The following RBFOX1 variants were observed in gnomAD, a reference collection of about 807,000 sequenced individuals.
RBFOX1 encodes the protein RNA binding fox-1 homolog 1.
RBFOX1 carries 8 observed loss-of-function variants against 57.7 expected under a neutral mutation model. The observed-to-expected ratio is 0.14, with a 90% CI of 0.08 to 0.25. RBFOX1 has a LOEUF of 0.25. Among genes scored for constraint, RBFOX1 ranks in the 10% least tolerant of loss-of-function variants. RBFOX1 has a pLI of 1.00. For missense variants in RBFOX1, 611 were observed against 548.5 expected (o/e 1.11, Z -1.14); for synonymous variants, 326 against 222.4 (o/e 1.47, Z -4.15).
chr16:7,128,222 G>C (rs1246457853), intron 4 of RBFOX1, among the ~76,000 whole-genome samples: 1 of 152,110 alleles, frequency 6.6e-6, no homozygotes, highest in East Asian at 1.9e-4. Context: ...TGTATTAAGT[G>C]CCAGACACTA....
intron 3 of RBFOX1, among the ~76,000 whole-genome samples, chr16:5,852,891 T>A (rs1365448667): frequency 6.6e-6 from 1 of 152,080 alleles, no homozygotes; most frequent in African/African-American, 2.4e-5. Flanking sequence ...GCCAGCAGAC[T>A]CTTACCCATC....
At chr16:7,616,244 T>C (rs1345631753) in intron 10 of RBFOX1, among the ~76,000 whole-genome samples, 3 of 152,218 alleles carry the variant, frequency 2.0e-5, no homozygotes. Context: ...GTACATGCAG[T>C]GAAGTTTAGA....
chr16:5,424,994 T>TTTCTTTTTC lies in RBFOX1; in HGVS notation c.220-42220_220-42219insCTTTTTCTT, dbSNP rs58404221. ...TCTTTCTTTCTTTTCTTTTCTTTTC[T>TTTCTTTTTC]TTTCTTTTCTTTTCTTTTCTTTCTT... On this transcript the variant is annotated intron_variant, in intron 1 of 2. Coordinates refer to the RBFOX1 transcript ENST00000585867. Among the ~76,000 whole-genome samples, 3 of 89,562 alleles carry TTTCTTTTTC rather than the reference T, an allele frequency of 3.3e-5. 1 individual carries two copies. The highest frequency in any genetic ancestry group is 1.2e-4 in the African/African-American group (3 of 25,646). The allele number at this position is 89,562 out of a possible 152,430, so 58.8% of individuals were successfully genotyped here. A position where few individuals can be genotyped will look rare whatever the true frequency, so the allele number is the denominator to read the frequency against.
At chr16:5,516,275 C>A (rs892128908) in intron 2 of RBFOX1, among the ~76,000 whole-genome samples, 13 of 152,090 alleles carry the variant, frequency 8.5e-5, no homozygotes, top group Non-Finnish European at 1.6e-4. Context: ...TATTTCCTAT[C>A]TTCCATCACT....
rs532126732 is a variant in RBFOX1 at position 6,888,990 on chromosome 16, C to G, written c.-15-163067C>G. ...GACACAGCTTTTCTGTTTCTTAAGC[C>G]TGTCCTTCCACTTAGATTGCAAATA... On this transcript the variant is annotated intron_variant, in intron 3 of 15. Transcript: ENST00000550418. Among the ~76,000 whole-genome samples, 4 of 152,300 alleles carry G rather than the reference C, an allele frequency of 2.6e-5. No individual in the cohort carries two copies. The East Asian group carries it at 5.8e-4, about 22-fold the overall frequency.
At chr16:6,416,856 A>G (rs1260053351) in intron 2 of RBFOX1, among the ~76,000 whole-genome samples, 2 of 152,158 alleles carry the variant, frequency 1.3e-5, no homozygotes, top group African/African-American at 4.8e-5. Flanking sequence ...ATTTTTAAGT[A>G]TTGCCATGAC....
intron 2 of RBFOX1, among the ~76,000 whole-genome samples, chr16:6,646,866 C>G (rs1035870623): frequency 6.6e-6 from 1 of 152,064 alleles, no homozygotes; most frequent in Admixed American, 6.5e-5. Flanking sequence ...CAAGCAGAGA[C>G]TTCAGCCATT....
At chr16:6,967,438 A>T (rs765759465) in intron 3 of RBFOX1, among the ~76,000 whole-genome samples, 3 of 152,162 alleles carry the variant, frequency 2.0e-5, no homozygotes, top group Non-Finnish European at 2.9e-5. Context: ...AAGTAATGAC[A>T]TTTGGAGCTA....
intron 12 of RBFOX1, among the ~76,000 whole-genome samples, chr16:7,663,016 T>C (rs2068164454): frequency 2.6e-5 from 4 of 152,182 alleles, no homozygotes; most frequent in Admixed American, 2.6e-4. Flanking sequence ...TAAAGGGCAT[T>C]GCCAGCACAA....
intron 1 of RBFOX1, among the ~76,000 whole-genome samples, chr16:5,413,580 G>C (rs2067082520): frequency 2.0e-5 from 3 of 152,188 alleles, no homozygotes; most frequent in Admixed American, 6.5e-5. Context: ...CATTTCCATT[G>C]TCACGGGAGG....
chr16:6,079,399 C>G (rs780593075), intron 1 of RBFOX1, among the ~76,000 whole-genome samples: 5 of 152,164 alleles, frequency 3.3e-5, no homozygotes, highest in Non-Finnish European at 7.3e-5. Context: ...GCAGCCTTGA[C>G]CTCCTGGCCT....
intron 2 of RBFOX1, among the ~76,000 whole-genome samples, chr16:6,501,045 C>T (rs2095902442): frequency 6.6e-6 from 1 of 151,540 alleles, no homozygotes; most frequent in South Asian, 2.1e-4. Context: ...TCTCACTGCC[C>T]ATGGGAGTCT....
intron 1 of RBFOX1, among the ~76,000 whole-genome samples, chr16:5,328,051 A>G (rs2064635683): frequency 1.3e-5 from 2 of 152,158 alleles, no homozygotes; most frequent in Admixed American, 6.5e-5. Context: ...TGCAGCCCCC[A>G]TGTTGCTTAG....
intron 4 of RBFOX1, among the ~76,000 whole-genome samples, chr16:7,493,281 C>T (rs966573881): frequency 2.6e-5 from 4 of 152,158 alleles, no homozygotes; most frequent in Non-Finnish European, 5.9e-5. Context: ...AACAGCCACA[C>T]GTGGCTAGAG....
intron 3 of RBFOX1, among the ~76,000 whole-genome samples, chr16:6,974,100 C>T (rs954241267): frequency 1.3e-5 from 2 of 152,132 alleles, no homozygotes; most frequent in African/African-American, 4.8e-5. Context: ...CTGCAAAGGA[C>T]ATGATCTCAT....
chr16:6,049,722 A>C (rs888384201), intron 1 of RBFOX1, among the ~76,000 whole-genome samples: 3 of 151,966 alleles, frequency 2.0e-5, no homozygotes, highest in African/African-American at 7.3e-5. Flanking sequence ...TTTTTACAGC[A>C]GTTTCAGGTT....
chr16:5,586,959 T>A (rs2046851658), intron 2 of RBFOX1, among the ~76,000 whole-genome samples: 1 of 152,182 alleles, frequency 6.6e-6, no homozygotes, highest in Non-Finnish European at 1.5e-5. Flanking sequence ...AATTGTGTTG[T>A]CATTGAACCT....
intron 4 of RBFOX1, among the ~76,000 whole-genome samples, chr16:5,873,695 C>G (rs547441993): frequency 6.6e-6 from 1 of 152,192 alleles, no homozygotes; most frequent in Non-Finnish European, 1.5e-5. Context: ...TGTAGTTTCA[C>G]TTGTCTCATG....
At chr16:6,018,580 C>T (rs893911467), upstream of RBFOX1, among the ~76,000 whole-genome samples, 2 of 152,072 alleles carry the variant, frequency 1.3e-5, no homozygotes, top group African/African-American at 4.8e-5. Flanking sequence ...CCCAGGCCAG[C>T]CGCACCCACC....
Sources: gnomAD v4.1 joint callset for allele counts (sites outside exome capture counted in the v4.1 genomes callset) on GRCh38, gnomAD v4.1.1 for gene constraint, MANE v1.5 for transcripts, NCBI Gene and HGNC (gene_info 2026-07-23, HGNC 2026-07-21) for gene names.